TPRG1: variants seen among roughly 807,000 people sequenced by gnomAD.
TPRG1 encodes the protein tumor protein p63 regulated 1.
TPRG1 carries 29 observed loss-of-function variants against 29.3 expected under a neutral mutation model. The ratio of observed to expected loss-of-function variants is 0.99; its 90% CI spans 0.74 to 1.35. The LOEUF (loss-of-function observed/expected upper bound fraction) is 1.35, where lower values mean the gene tolerates loss of function less well. TPRG1 is among the 40% of genes most tolerant of loss of function. TPRG1 has a pLI of 0.00. For synonymous variants in TPRG1, 130 were observed against 116.8 expected, an observed-to-expected ratio of 1.11 and a Z score of -0.73; for missense variants, 327 against 335.0, an observed-to-expected ratio of 0.98 and a Z score of 0.19.
chr3:189,281,992 T>C (rs1161836654), intron 4 of TPRG1, among the ~76,000 whole-genome samples: 1 of 152,098 alleles, frequency 6.6e-6, no homozygotes, highest in Non-Finnish European at 1.5e-5. Flanking sequence ...GCAATTCTCA[T>C]GCCTCAGCTT....
At chr3:189,072,264 A>G (rs1448761503) in intron 4 of TPRG1, among the ~76,000 whole-genome samples, 1 of 152,190 alleles carries the variant, frequency 6.6e-6, no homozygotes, top group African/African-American at 2.4e-5. Context: ...TTCCCATAGT[A>G]TGCTTTATGA....
intron 4 of TPRG1, among the ~76,000 whole-genome samples, chr3:189,082,801 C>T (rs1486504003): frequency 6.6e-6 from 1 of 152,156 alleles, no homozygotes; most frequent in Non-Finnish European, 1.5e-5. Flanking sequence ...CAATTGATTC[C>T]AAGCATAGCG....
intron 3 of TPRG1, among the ~76,000 whole-genome samples, chr3:189,144,167 G>A (rs1388257460): frequency 6.6e-6 from 1 of 152,102 alleles, no homozygotes; most frequent in African/African-American, 2.4e-5. Context: ...TACTTCTTGA[G>A]CCCTTGCTAT....
At chr3:189,080,968 C>T (rs553466358) in intron 4 of TPRG1, among the ~76,000 whole-genome samples, 4 of 152,036 alleles carry the variant, frequency 2.6e-5, no homozygotes, top group East Asian at 3.9e-4. Flanking sequence ...ATAAGTTACA[C>T]GTGGGCCAGC....
chr3:189,274,887 A>C (rs1055664260), intron 4 of TPRG1, among the ~76,000 whole-genome samples: 2 of 151,932 alleles, frequency 1.3e-5, no homozygotes, highest in African/African-American at 4.8e-5. Flanking sequence ...ATAAATAATA[A>C]ACAAGAATCA....
chr3:189,177,862 T>G (rs1052551579), intron 1 of TPRG1, among the ~76,000 whole-genome samples: 1 of 152,238 alleles, frequency 6.6e-6, no homozygotes, highest in Non-Finnish European at 1.5e-5. Context: ...TTCTTGCTAC[T>G]TCCTCTTTCC....
intron 4 of TPRG1, among the ~76,000 whole-genome samples, chr3:189,050,311 T>C (rs1216413639): frequency 1.3e-5 from 2 of 152,174 alleles, no homozygotes; most frequent in African/African-American, 4.8e-5. Flanking sequence ...TGAACAACTT[T>C]ATGCACATAA....
chr3:189,072,723 G>A (rs1266598805), intron 4 of TPRG1, among the ~76,000 whole-genome samples: 1 of 151,984 alleles, frequency 6.6e-6, no homozygotes, highest in Non-Finnish European at 1.5e-5. Context: ...AGATCCATTG[G>A]TTGTTTCTTG....
intron 3 of TPRG1, among the ~76,000 whole-genome samples, chr3:189,135,571 G>A (rs143698199): frequency 6.1e-4 from 93 of 152,036 alleles, no homozygotes; most frequent in African/African-American, 1.8e-3. Flanking sequence ...TTTCCCTGTC[G>A]CCCTTCATGC....
intron 3 of TPRG1, among the ~76,000 whole-genome samples, chr3:189,134,100 G>T: frequency 6.6e-6 from 1 of 152,236 alleles, no homozygotes; most frequent in East Asian, 1.9e-4. Flanking sequence ...TTCCAGTCAA[G>T]GTCCCAGCCC....
chr3:189,186,146 A>T (rs138706343), intron 1 of TPRG1, among the ~76,000 whole-genome samples: 1,769 of 152,338 alleles, frequency 0.012, 31 homozygotes, highest in African/African-American at 0.039. Flanking sequence ...TCTTTGTTCT[A>T]TGTGAGATAA....
chr3:189,201,247 G>A (rs947623670), intron 1 of TPRG1, among the ~76,000 whole-genome samples: 3 of 152,206 alleles, frequency 2.0e-5, no homozygotes, highest in African/African-American at 7.2e-5. Flanking sequence ...GTGCTGAACA[G>A]CCAGCTTTTC....
rs549429228 is a variant in TPRG1 at position 189,145,716 on chromosome 3, C to A, written c.-290-1868C>A. Reference sequence around the variant, plus strand: ...AATTAATATCTAAAATGATCTAGAACTTCTAGAACACAGGACTGAAAACAA... The same window carrying A: ...AATTAATATCTAAAATGATCTAGAAATTCTAGAACACAGGACTGAAAACAA... On this transcript the variant is annotated intron_variant, in intron 3 of 6. Coordinates refer to the TPRG1 transcript ENST00000412373. Among the ~76,000 whole-genome samples, 380 of 152,272 alleles carry A rather than the reference C, an allele frequency of 2.5e-3. 1 individual carries two copies. Among genetic ancestry groups the A allele is most frequent in the Non-Finnish European group, 4.7e-3 (317 of 68,008 alleles).
intron 4 of TPRG1, among the ~76,000 whole-genome samples, chr3:189,063,208 TA>T: frequency 6.6e-6 from 1 of 152,132 alleles, no homozygotes; most frequent in East Asian, 1.9e-4. Context: ...TAGGAAGAGG[TA>T]GTAATTCTAA....
At chr3:189,262,865 C>T (rs1713371639) in intron 4 of TPRG1, among the ~76,000 whole-genome samples, 1 of 152,228 alleles carries the variant, frequency 6.6e-6, no homozygotes. Context: ...TTGGCAGGCC[C>T]AGGGCCTTGC....
chr3:189,219,154 T>G (rs1334928410), intron 3 of TPRG1, among the ~76,000 whole-genome samples: 2 of 152,228 alleles, frequency 1.3e-5, no homozygotes, highest in African/African-American at 4.8e-5. Context: ...TTACTAACGT[T>G]AAGTTGGTAA....
intron 4 of TPRG1, among the ~76,000 whole-genome samples, chr3:189,281,870 G>T (rs980057630): frequency 6.6e-6 from 1 of 151,890 alleles, no homozygotes; most frequent in Non-Finnish European, 1.5e-5. Flanking sequence ...ACCCACAAGA[G>T]GATTTTATTT....
Position 189,058,925 on chromosome 3 carries a change from T to G in TPRG1, c.-463+34979T>G, listed in dbSNP as rs141443196. Among the ~76,000 whole-genome samples, 387 of 152,272 alleles carry G rather than the reference T, an allele frequency of 2.5e-3. 2 individuals carry two copies. Among genetic ancestry groups the G allele is most frequent in the African/African-American group, 8.3e-3 (346 of 41,560 alleles). On this transcript the variant is annotated intron_variant, in intron 4 of 10. Transcript: ENST00000433971. ...CATGCACAGATACCAGCAAGCAAGA[T>G]CGAGCAAACTGAGGAATTTTCATTT...
At chr3:189,111,873 G>C (rs1447641623) in intron 1 of TPRG1, among the ~76,000 whole-genome samples, 1 of 152,080 alleles carries the variant, frequency 6.6e-6, no homozygotes, top group African/African-American at 2.4e-5. Flanking sequence ...GAACATCTTT[G>C]CCTTGATTCT....
Sources: gnomAD v4.1 joint callset for allele counts (sites outside exome capture counted in the v4.1 genomes callset) on GRCh38, gnomAD v4.1.1 for gene constraint, MANE v1.5 for transcripts, NCBI Gene and HGNC (gene_info 2026-07-23, HGNC 2026-07-21) for gene names.